The following ALDH1A1 variants were observed in gnomAD, a reference collection of about 807,000 sequenced individuals.
ALDH1A1 encodes aldehyde dehydrogenase 1A1.
Under a neutral mutation model 62.1 loss-of-function variants are expected in ALDH1A1, and 19 were observed. That is an observed-to-expected ratio of 0.31 (90% confidence interval 0.21 to 0.45). ALDH1A1 has a LOEUF of 0.45. Ranked by LOEUF, ALDH1A1 falls within the 20% of genes least tolerant of loss-of-function variation. The probability of loss-of-function intolerance (pLI) is 1.00; values close to 1 mark genes in which losing one functional copy is unlikely to be tolerated. For missense variants in ALDH1A1, 521 were observed against 607.1 expected (o/e 0.86, Z 1.49); for synonymous variants, 231 against 215.9 (o/e 1.07, Z -0.61).
At chr9:72,908,316 T>C (rs976828382) in intron 11 of ALDH1A1, among the ~76,000 whole-genome samples, 29 of 149,200 alleles carry the variant, frequency 1.9e-4, no homozygotes, top group Admixed American at 1.7e-3. Context: ...ATGCCTGTAG[T>C]CCCAGCTAGT....
At chr9:72,927,873 A>C (rs1425556039) in intron 4 of ALDH1A1, among the ~76,000 whole-genome samples, 1 of 151,772 alleles carries the variant, frequency 6.6e-6, no homozygotes, top group Non-Finnish European at 1.5e-5. Flanking sequence ...TCTAAATTTG[A>C]CCAATTTATG....
intron 1 of ALDH1A1, among the ~76,000 whole-genome samples, chr9:72,941,499 T>C (rs542837407): frequency 6.5e-4 from 99 of 152,316 alleles, no homozygotes; most frequent in Non-Finnish European, 1.3e-3. Context: ...TATACTTCCA[T>C]TGGACAATTT....
In ALDH1A1 at chr9:72,932,756, G is replaced by C. The variant is rs966146512; in HGVS notation, c.172-1737C>G. ...TTCCTAAATTTACAGAGCACTGTTTGAAAAAAAGAAAAAGCAAACCACAAA... is the reference window on the plus strand; with the variant it reads ...TTCCTAAATTTACAGAGCACTGTTTCAAAAAAAGAAAAAGCAAACCACAAA... On this transcript the variant is annotated intron_variant, in intron 2 of 12. Coordinates refer to ENST00000297785, the MANE Select transcript of ALDH1A1 (RefSeq NM_000689.5). Among the ~76,000 whole-genome samples, 14 of 152,170 alleles carry C rather than the reference G, an allele frequency of 9.2e-5. No individual in the cohort carries two copies. The East Asian group carries it at 2.5e-3, about 27-fold the overall frequency.
intron 2 of ALDH1A1, among the ~76,000 whole-genome samples, chr9:72,938,749 A>G (rs1830376890): frequency 7.2e-6 from 1 of 139,030 alleles, no homozygotes; most frequent in Admixed American, 7.4e-5. Flanking sequence ...AGACTATTTA[A>G]TTTTTTTTTT....
At chr9:72,940,342 C>T in intron 1 of ALDH1A1, 90 bp from the exon 2 acceptor site, 1 of 906,920 alleles carries the variant, frequency 1.1e-6, no homozygotes. Flanking sequence ...AGCATTTCAC[C>T]ATGCCTAAAT....
At chr9:72,946,391 TC>T (rs1563918107) in intron 1 of ALDH1A1, among the ~76,000 whole-genome samples, 1 of 151,790 alleles carries the variant, frequency 6.6e-6, no homozygotes, top group African/African-American at 2.4e-5. Flanking sequence ...TTGTGCAAAT[TC>T]CCCAGTGAAC....
intron 2 of ALDH1A1, among the ~76,000 whole-genome samples, chr9:72,939,414 T>C (rs1830387344): frequency 6.6e-6 from 1 of 152,262 alleles, no homozygotes; most frequent in East Asian, 1.9e-4. Flanking sequence ...TGAATAATAA[T>C]ATTAATGCAG....
In ALDH1A1 at chr9:72,936,311, C is replaced by T. The variant is rs79190259; in HGVS notation, c.171+3837G>A. Among the ~76,000 whole-genome samples the T allele has an allele frequency of 3.4e-3, 512 of 152,310 alleles. 4 individuals are homozygous for T. The highest frequency in any genetic ancestry group is 0.012 in the African/African-American group (485 of 41,574). On this transcript the variant is annotated intron_variant, in intron 2 of 12. Coordinates refer to ENST00000297785, the MANE Select transcript of ALDH1A1 (RefSeq NM_000689.5). ...CTGCCTGACAAGGTTTCAACTGGAA[C>T]TTTGGGCATAGAGATTTGTTTTCCT...
rs1830175627 is a variant in ALDH1A1 at position 72,924,083 on chromosome 9, G to A, written c.683C>T (p.Thr228Ile). 2.5e-6 allele frequency: 4 copies of A among 1,613,334 alleles called. No homozygotes were observed. The highest frequency in any genetic ancestry group is 2.2e-5 in the South Asian group (2 of 91,020). The change falls in exon 7 of 13, where the codon ACA becomes ATA. Residue 228 changes from threonine to isoleucine, a missense_variant. Transcript: ENST00000297785. ...GTGAGAAGAAATGGCTGCCCCTGCTGTAGGCCCATAACCAGGAACAATATT... is the reference window on the plus strand; with the variant it reads ...GTGAGAAGAAATGGCTGCCCCTGCTATAGGCCCATAACCAGGAACAATATT... ...VVNIVPGYGPTAGAAISSHMD... is the reference protein window; with the variant it reads ...VVNIVPGYGPIAGAAISSHMD...
chr9:72,913,547 C>T (rs966189117), intron 9 of ALDH1A1, among the ~76,000 whole-genome samples: 5 of 152,124 alleles, frequency 3.3e-5, no homozygotes, highest in African/African-American at 1.2e-4. Flanking sequence ...TGACTATGCC[C>T]TCAACATCAT....
At chr9:72,924,317 C>G (rs1352247632) in intron 6 of ALDH1A1, among the ~76,000 whole-genome samples, 185 bp from the exon 7 acceptor site, 1 of 152,138 alleles carries the variant, frequency 6.6e-6, no homozygotes, top group East Asian at 1.9e-4. Context: ...AGAATAACTT[C>G]AAGGGTTGCA....
At chr9:72,940,701 A>C (rs1830405158) in intron 1 of ALDH1A1, among the ~76,000 whole-genome samples, 1 of 152,214 alleles carries the variant, frequency 6.6e-6, no homozygotes, top group Non-Finnish European at 1.5e-5. Context: ...TAAAAAAAGA[A>C]TTTTGCTAAA....
chr9:72,908,577 AAGAAAGAAAGAAAGAAAGAAAGAAAG>A, intron 11 of ALDH1A1, among the ~76,000 whole-genome samples: 1 of 124,036 alleles, frequency 8.1e-6, no homozygotes, highest in African/African-American at 3.1e-5. Context: ...GAAAGAAAGA[AAGAAAGAAAGAAAGAAAGAAAGAAAG>A]AAAGAAAGAA....
chr9:72,908,552 G>GAAAAGAAAGAAGAAAGA, intron 11 of ALDH1A1, among the ~76,000 whole-genome samples: 1 of 91,896 alleles, frequency 1.1e-5, no homozygotes, highest in African/African-American at 5.1e-5. Context: ...AGAAAAGAAA[G>GAAAAGAAAGAAGAAAGA]AAGAAAGAAA....
intron 1 of ALDH1A1, among the ~76,000 whole-genome samples, chr9:72,947,719 A>G (rs560351759): frequency 1.3e-5 from 2 of 152,070 alleles, no homozygotes; most frequent in East Asian, 3.9e-4. Context: ...AGATAAAAAG[A>G]TTTAGAATCC....
chr9:72,927,197 C>A lies in ALDH1A1; in HGVS notation c.443-20G>T. The A allele has an allele frequency of 1.3e-6, 2 of 1,545,412 alleles. No homozygotes were observed. The highest frequency in any genetic ancestry group is 1.1e-5 in the South Asian group (1 of 87,604). On this transcript the variant is annotated intron_variant, in intron 4 of 12. Transcript: ENST00000297785. Reference sequence around the variant, plus strand: ...TTCCATCTGAAAAATAAAACACACACAATCATATATAAACAAATGTATTTG... The same window carrying A: ...TTCCATCTGAAAAATAAAACACACAAAATCATATATAAACAAATGTATTTG...
intron 2 of ALDH1A1, among the ~76,000 whole-genome samples, chr9:72,933,911 C>T (rs1267826504): frequency 6.6e-6 from 1 of 152,100 alleles, no homozygotes; most frequent in East Asian, 1.9e-4. Context: ...ATCCTCCCAC[C>T]TCAGCCTCTG....
chr9:72,919,054 C>A (rs539975789), intron 7 of ALDH1A1, among the ~76,000 whole-genome samples: 1 of 152,130 alleles, frequency 6.6e-6, no homozygotes, highest in African/African-American at 2.4e-5. Flanking sequence ...GATTCTCTGG[C>A]AAATGGCATT....
chr9:72,915,795 G>A (rs541939003), intron 9 of ALDH1A1, among the ~76,000 whole-genome samples: 1 of 152,276 alleles, frequency 6.6e-6, no homozygotes, highest in Admixed American at 6.5e-5. Context: ...AGTCCTCTTT[G>A]TTCTTTTTGG....
Sources: allele counts gnomAD v4.1 joint callset (sites outside exome capture counted in the v4.1 genomes callset), GRCh38; gene constraint gnomAD v4.1.1; transcripts MANE v1.5; gene names NCBI Gene and HGNC (gene_info 2026-07-23, HGNC 2026-07-21).